Variants in GABRR3 observed in about 807,000 individuals in gnomAD.
The protein encoded by GABRR3 is gamma-aminobutyric acid receptor subunit rho-3.
Under a neutral mutation model 43.2 loss-of-function variants are expected in GABRR3, and 29 were observed. The observed-to-expected ratio is 0.67, with a 90% CI of 0.50 to 0.92. The LOEUF is 0.92. GABRR3 is among the 40% of genes least tolerant of loss of function. GABRR3 has a pLI of 0.00. For missense variants in GABRR3, 576 were observed against 572.3 expected (o/e 1.01, Z -0.07); for synonymous variants, 206 against 195.9 (o/e 1.05, Z -0.43).
chr3:98,001,322 G>A (rs1157468687), intron 8 of GABRR3: 5 of 350,680 alleles, frequency 1.4e-5, no homozygotes, highest in African/African-American at 8.1e-5. Flanking sequence ...AAAGAGATAA[G>A]CTTTAAAAGT....
intron 4 of GABRR3, among the ~76,000 whole-genome samples, chr3:98,017,343 G>T (rs1379518451): frequency 6.6e-6 from 1 of 152,172 alleles, no homozygotes; most frequent in Non-Finnish European, 1.5e-5. Flanking sequence ...ATATAGTATG[G>T]TCATCCTTCT....
At chr3:98,005,953 A>C (rs556962687) in intron 7 of GABRR3, among the ~76,000 whole-genome samples, 1 of 152,138 alleles carries the variant, frequency 6.6e-6, no homozygotes, top group Admixed American at 6.5e-5. Context: ...CAATAGTAAA[A>C]TGAAAACACA....
chr3:98,016,327 C>A (rs1375751900), intron 4 of GABRR3, among the ~76,000 whole-genome samples: 1 of 152,166 alleles, frequency 6.6e-6, no homozygotes, highest in Non-Finnish European at 1.5e-5. Flanking sequence ...CCTTCTTCAC[C>A]CCTGCCACCT....
At chr3:98,019,740 C>T (rs1706914630) in intron 3 of GABRR3, among the ~76,000 whole-genome samples, 1 of 152,096 alleles carries the variant, frequency 6.6e-6, no homozygotes, top group African/African-American at 2.4e-5. Context: ...CATGTGTCAC[C>T]ATGCCCAGCT....
chr3:98,001,608 G>A lies in GABRR3; in HGVS notation c.907+7C>T. On this transcript the variant is annotated splice_region_variant and intron_variant, in intron 8 of 9. Coordinates refer to ENST00000621172, the Ensembl canonical transcript of GABRR3. ...TTAACATTTTATAAAGATGGGGAAA[G>A]ATTTACCCAGGGAAACTCTTGCAGG... 2 of 1,612,592 alleles carry A rather than the reference G, an allele frequency of 1.2e-6. No individual in the cohort carries two copies. Among genetic ancestry groups the A allele is most frequent in the Middle Eastern group, 1.7e-4 (1 of 6,050 alleles).
intron 8 of GABRR3, chr3:97,997,456 A>G (rs1387574598): frequency 1.3e-5 from 2 of 152,350 alleles, no homozygotes; most frequent in East Asian, 1.9e-4. Context: ...ATATTTTAAA[A>G]AGGTAATTTA....
At chr3:98,030,625 G>C (rs1474248406) in intron 2 of GABRR3, among the ~76,000 whole-genome samples, 1 of 152,070 alleles carries the variant, frequency 6.6e-6, no homozygotes, top group Non-Finnish European at 1.5e-5. Context: ...AAATTATCTA[G>C]AAAAAATTGA....
intron 4 of GABRR3, among the ~76,000 whole-genome samples, chr3:98,016,927 C>T (rs187971487): frequency 6.6e-6 from 1 of 151,618 alleles, no homozygotes; most frequent in Non-Finnish European, 1.5e-5. Context: ...ATAAAAATAG[C>T]CAAAGTGATT....
chr3:97,990,540 G>T (rs1400112248), intron 9 of GABRR3, among the ~76,000 whole-genome samples: 2 of 152,020 alleles, frequency 1.3e-5, no homozygotes, highest in Non-Finnish European at 2.9e-5. Flanking sequence ...TAGACACGGG[G>T]TTTCATATGT....
intron 3 of GABRR3, among the ~76,000 whole-genome samples, chr3:98,020,870 C>CTTT (rs59070712): frequency 1.7e-5 from 2 of 117,446 alleles, no homozygotes; most frequent in Non-Finnish European, 3.5e-5. Context: ...TTTTCTTTTT[C>CTTT]TTTTTTTTTT....
intron 9 of GABRR3, among the ~76,000 whole-genome samples, chr3:97,987,638 A>T (rs1345673359): frequency 6.6e-6 from 1 of 152,252 alleles, no homozygotes; most frequent in East Asian, 1.9e-4. Context: ...TCTTCGATTT[A>T]TAGTGATTTA....
intron 3 of GABRR3, among the ~76,000 whole-genome samples, chr3:98,019,156 A>G (rs1337553735): frequency 6.6e-6 from 1 of 152,074 alleles, no homozygotes; most frequent in African/African-American, 2.4e-5. Context: ...AAGGAAAACA[A>G]AAGAAAAGAA....
At chr3:97,988,212 A>G (rs1000486005) in intron 9 of GABRR3, among the ~76,000 whole-genome samples, 2 of 151,952 alleles carry the variant, frequency 1.3e-5, no homozygotes, top group Non-Finnish European at 2.9e-5. Flanking sequence ...CTACAGAAGG[A>G]CGCATAATAG....
chr3:97,993,115 C>A, intron 8 of GABRR3, 67 bp from the exon 9 acceptor site: 1 of 1,272,456 alleles, frequency 7.9e-7, no homozygotes, highest in South Asian at 1.6e-5. Flanking sequence ...GGTGCTGAAT[C>A]ACACCAGGGG....
intron 4 of GABRR3, 132 bp downstream of exon 4, chr3:98,017,523 C>A: frequency 5.8e-6 from 4 of 692,532 alleles, no homozygotes; most frequent in East Asian, 2.8e-5. Context: ...CAATCATGAC[C>A]CTATGATTAA....
intron 9 of GABRR3, among the ~76,000 whole-genome samples, chr3:97,989,211 TTGGTGGATGGTGG>T (rs1188993144): frequency 5.0e-5 from 7 of 139,440 alleles, no homozygotes; most frequent in East Asian, 4.5e-4. Flanking sequence ...GGTGGTGGTG[TTGGTGGATGGTGG>T]TGGTGGATGG....
At chr3:98,033,858 A>AT (rs1269495110) in intron 2 of GABRR3, among the ~76,000 whole-genome samples, 10 of 152,146 alleles carry the variant, frequency 6.6e-5, no homozygotes, top group Admixed American at 4.6e-4. Context: ...GTAGTCCCTG[A>AT]TTTTTAATCG....
At chr3:98,001,907 G>C in intron 7 of GABRR3, 140 bp from the exon 8 acceptor site, 1 of 781,098 alleles carries the variant, frequency 1.3e-6, no homozygotes, top group Non-Finnish European at 2.1e-6. Flanking sequence ...AGTTGGGCCT[G>C]GCACTCCATC....
chr3:98,031,659 C>T (rs545036289), intron 2 of GABRR3, among the ~76,000 whole-genome samples: 1 of 152,134 alleles, frequency 6.6e-6, no homozygotes, highest in African/African-American at 2.4e-5. Flanking sequence ...GGGAGGACCA[C>T]TTGAGCACAG....
Sources: gnomAD v4.1 joint callset for allele counts (sites outside exome capture counted in the v4.1 genomes callset) on GRCh38, gnomAD v4.1.1 for gene constraint, MANE v1.5 for transcripts, NCBI Gene and HGNC (gene_info 2026-07-23, HGNC 2026-07-21) for gene names.